Variants in BTRC observed in about 807,000 individuals in gnomAD.
BTRC encodes F-box/WD repeat-containing protein 1A.
In BTRC, 42 loss-of-function variants were observed where a neutral mutation model predicts 85.5. The ratio of observed to expected loss-of-function variants is 0.49; its 90% confidence interval spans 0.38 to 0.64. BTRC has a LOEUF of 0.64. Ranked by LOEUF, BTRC falls within the 30% of genes least tolerant of loss-of-function variation. The pLI is 0.00. For missense variants in BTRC, 594 were observed against 743.5 expected, an observed-to-expected ratio of 0.80 and a Z score of 2.34; for synonymous variants, 255 against 263.3, an observed-to-expected ratio of 0.97 and a Z score of 0.30.
chr10:101,500,443 C>T (rs889844813), intron 4 of BTRC, among the ~76,000 whole-genome samples: 4 of 152,118 alleles, frequency 2.6e-5, no homozygotes, highest in Admixed American at 1.3e-4. Flanking sequence ...TGATTTGGCC[C>T]TAATGGAGAC....
chr10:101,443,065 G>T (rs1459434744), intron 2 of BTRC, among the ~76,000 whole-genome samples: 1 of 151,900 alleles, frequency 6.6e-6, no homozygotes, highest in African/African-American at 2.4e-5. Flanking sequence ...TGTATTTTTA[G>T]TAGAGACGGG....
intron 5 of BTRC, 59 bp from the exon 6 acceptor site, chr10:101,525,954 T>C (rs2062184855): frequency 6.5e-7 from 1 of 1,531,752 alleles, no homozygotes; most frequent in Non-Finnish European, 8.9e-7. Flanking sequence ...GGACCTTTTG[T>C]AAAAAATCAT....
chr10:101,548,081 T>C (rs767296556), intron 13 of BTRC, among the ~76,000 whole-genome samples: 8 of 152,194 alleles, frequency 5.3e-5, no homozygotes, highest in South Asian at 2.1e-4. Flanking sequence ...ATGTAAAAGA[T>C]TGGTAATATC....
At chr10:101,526,308 A>C in intron 6 of BTRC, 109 bp downstream of exon 6, 1 of 950,924 alleles carries the variant, frequency 1.1e-6, no homozygotes, top group Non-Finnish European at 1.6e-6. Flanking sequence ...TAATATGGTG[A>C]TTTTGTTGAT....
intron 8 of BTRC, among the ~76,000 whole-genome samples, 163 bp downstream of exon 8, chr10:101,532,595 A>G (rs2062302069): frequency 6.6e-6 from 1 of 152,192 alleles, no homozygotes; most frequent in Non-Finnish European, 1.5e-5. Context: ...AAGGACAGAC[A>G]TCAGCTTCCC....
intron 2 of BTRC, among the ~76,000 whole-genome samples, chr10:101,455,806 G>T (rs1260484140): frequency 2.0e-5 from 3 of 152,080 alleles, no homozygotes; most frequent in Non-Finnish European, 2.9e-5. Context: ...TTGCCAAAAA[G>T]CTATAAAAGG....
intron 2 of BTRC, among the ~76,000 whole-genome samples, chr10:101,432,251 C>T (rs959098442): frequency 1.3e-5 from 2 of 151,866 alleles, no homozygotes; most frequent in African/African-American, 4.8e-5. Flanking sequence ...CCTCAAACTT[C>T]CGGGTAGCTG....
At position 101,550,764 on chromosome 10, in the gene BTRC, T is replaced by G; in HGVS notation, c.1722T>G (p.Asp574Glu). 2 of 1,614,048 alleles carry G rather than the reference T, an allele frequency of 1.2e-6. No individual in the cohort carries two copies. Among genetic ancestry groups the G allele is most frequent in the South Asian group, 1.1e-5 (1 of 91,066 alleles). ...DEFQIVSSSH[D>E]DTILIWDFLN... is the part of the protein sequence containing the mutation. The stretch of plus-strand genomic sequence containing the variant: ...TCCAGATTGTCAGTAGTTCACATGA[T>G]GACACAATCCTCATCTGGGACTTCC... Residue 574 changes from aspartate (D) to glutamate (E), a missense_variant, in exon 14 of 15, where the codon GAT becomes GAG. By Grantham distance (45) the Asp-to-Glu change is conservative. Coordinates refer to ENST00000370187, the MANE Select transcript of BTRC (RefSeq NM_033637.4).
At chr10:101,354,063 A>G (rs1353544837), upstream of BTRC, 19 of 1,222,602 alleles carry the variant, frequency 1.6e-5, no homozygotes, top group Non-Finnish European at 1.9e-5. Flanking sequence ...CCTGCGCCTG[A>G]GAGGTAAGAG....
chr10:101,423,920 A>C (rs1298455707), intron 1 of BTRC, among the ~76,000 whole-genome samples: 1 of 152,114 alleles, frequency 6.6e-6, no homozygotes. Context: ...TTTCTTTTGC[A>C]CTTTGCAGCT....
At chr10:101,534,185 T>TA (rs1299934699) in intron 9 of BTRC, among the ~76,000 whole-genome samples, 3 of 152,078 alleles carry the variant, frequency 2.0e-5, no homozygotes, top group Non-Finnish European at 2.9e-5. Flanking sequence ...GGCTTAGAAT[T>TA]AGAGTCATGG....
At chr10:101,517,261 A>C (rs373086985) in intron 4 of BTRC, among the ~76,000 whole-genome samples, 1 of 152,200 alleles carries the variant, frequency 6.6e-6, no homozygotes, top group African/African-American at 2.4e-5. Context: ...GCCTAATGCC[A>C]TTCTTGAAAA....
intron 4 of BTRC, among the ~76,000 whole-genome samples, chr10:101,512,580 G>T (rs2061970724): frequency 6.6e-6 from 1 of 152,198 alleles, no homozygotes; most frequent in African/African-American, 2.4e-5. Flanking sequence ...AGTTAGTAAA[G>T]TCAGCATACT....
At chr10:101,492,567 T>A (rs934870857) in intron 4 of BTRC, among the ~76,000 whole-genome samples, 1 of 152,208 alleles carries the variant, frequency 6.6e-6, no homozygotes, top group African/African-American at 2.4e-5. Context: ...TTTTAAAAAA[T>A]CTGTTTCCAT....
chr10:101,441,025 T>C (rs1331701952), intron 2 of BTRC, among the ~76,000 whole-genome samples: 2 of 152,224 alleles, frequency 1.3e-5, no homozygotes, highest in Non-Finnish European at 2.9e-5. Flanking sequence ...AGCATAAACA[T>C]TGATGTAGAT....
At chr10:101,522,399 AT>A in intron 5 of BTRC, among the ~76,000 whole-genome samples, 2 of 115,910 alleles carry the variant, frequency 1.7e-5, no homozygotes, top group Non-Finnish European at 3.6e-5. Context: ...AACTCTAGAA[AT>A]AAAGACTCCT....
chr10:101,415,521 G>T (rs372559788), intron 1 of BTRC, among the ~76,000 whole-genome samples: 10,964 of 16,404 alleles, frequency 0.67, 4,118 homozygotes, highest in African/African-American at 0.75. Context: ...GTTATGTTAT[G>T]TTATGTTATG....
Position 101,474,422 on chromosome 10 carries a change from C to T in BTRC, c.235-4946C>T, listed in dbSNP as rs962656811. 2.6e-5 allele frequency among the ~76,000 whole-genome samples: 4 copies of T among 152,178 alleles called. No individual in the cohort carries two copies. The South Asian group carries it at 8.3e-4, about 32-fold the overall frequency. Reference sequence around the variant, plus strand: ...TACATCCCTCTAACTTGATAGAAGTCAAACTCTAAACTCTTTCTCCCCCCA... The same window carrying T: ...TACATCCCTCTAACTTGATAGAAGTTAAACTCTAAACTCTTTCTCCCCCCA... On this transcript the variant is annotated intron_variant, in intron 3 of 14. Coordinates refer to ENST00000370187, the MANE Select transcript of BTRC (RefSeq NM_033637.4).
rs542029005 is a variant in BTRC, at chr10:101,405,751, T to C, written c.49-24594T>C. On this transcript the variant is annotated intron_variant, in intron 1 of 14. Transcript: ENST00000370187. The stretch of plus-strand genomic sequence containing the variant: ...TGGAGTGCACTTACTCCATCTTACA[T>C]GGAACTAGAACCCCTTCTAGTTAAT... Among the ~76,000 whole-genome samples, 63 of 152,330 alleles carry C rather than the reference T, an allele frequency of 4.1e-4. 1 individual carries two copies. Among genetic ancestry groups the C allele is most frequent in the Non-Finnish European group, 7.6e-4 (52 of 68,032 alleles).
Sources: allele counts gnomAD v4.1 joint callset (sites outside exome capture counted in the v4.1 genomes callset), GRCh38; gene constraint gnomAD v4.1.1; transcripts MANE v1.5; gene names NCBI Gene and HGNC (gene_info 2026-07-23, HGNC 2026-07-21).